The following DNAJC1 variants were observed in gnomAD, a reference collection of about 807,000 sequenced individuals.
DNAJC1 encodes the protein DnaJ heat shock protein family (Hsp40) member C1, also known as dnaJ homolog subfamily C member 1.
Under a neutral mutation model 76.6 loss-of-function variants are expected in DNAJC1, and 58 were observed. That is an observed-to-expected ratio of 0.76 (90% CI 0.61 to 0.94). The LOEUF (loss-of-function observed/expected upper bound fraction) is 0.94. Ranked by LOEUF, DNAJC1 falls within the 40% of genes least tolerant of loss-of-function variation. DNAJC1 has a pLI of 0.00. For synonymous variants in DNAJC1, 258 were observed against 267.9 expected, an observed-to-expected ratio of 0.96 and a Z score of 0.36; for missense variants, 689 against 677.3, an observed-to-expected ratio of 1.02 and a Z score of -0.19.
At chr10:21,964,756 T>G (rs1837862059) in intron 1 of DNAJC1, among the ~76,000 whole-genome samples, 1 of 151,900 alleles carries the variant, frequency 6.6e-6, no homozygotes. Context: ...AGGAACTGTC[T>G]TCATTGTGTT....
At chr10:21,936,720 G>C (rs1837318782) in intron 1 of DNAJC1, among the ~76,000 whole-genome samples, 1 of 151,926 alleles carries the variant, frequency 6.6e-6, no homozygotes, top group African/African-American at 2.4e-5. Context: ...ATCCAAACTG[G>C]ATTGCTATAA....
At chr10:21,763,893 A>ACC (rs1453899046) in intron 10 of DNAJC1, among the ~76,000 whole-genome samples, 1 of 152,160 alleles carries the variant, frequency 6.6e-6, no homozygotes, top group Non-Finnish European at 1.5e-5. Context: ...TCCCTTGGGA[A>ACC]ACGTTGGTGC....
intron 1 of DNAJC1, among the ~76,000 whole-genome samples, chr10:21,962,088 C>T (rs1250722975): frequency 2.0e-5 from 3 of 152,292 alleles, no homozygotes; most frequent in Non-Finnish European, 2.9e-5. Context: ...CAGTCTCTTG[C>T]ACCACACTTC....
rs546471295 is a variant in DNAJC1 at position 21,925,565 on chromosome 10, C to T, written c.371+2941G>A. Among the ~76,000 whole-genome samples, 14 of 152,154 alleles carry T rather than the reference C, an allele frequency of 9.2e-5. No individual in the cohort carries two copies. In the South Asian group the frequency reaches 1.5e-3, roughly 16 times the overall value. On this transcript the variant is annotated intron_variant, in intron 3 of 11. Transcript: ENST00000376980. ...GTCCATCAACTGGTGAATAGATAAA[C>T]GTAAGTGGTATATCCATACAATGGA...
chr10:21,973,828 T>C (rs991566652), intron 1 of DNAJC1, among the ~76,000 whole-genome samples: 7 of 151,328 alleles, frequency 4.6e-5, no homozygotes, highest in African/African-American at 1.7e-4. Flanking sequence ...TTTGGCCAGG[T>C]GCGGTGGCTC....
At chr10:21,814,890 T>C (rs1476298587) in intron 8 of DNAJC1, among the ~76,000 whole-genome samples, 1 of 152,206 alleles carries the variant, frequency 6.6e-6, no homozygotes, top group Non-Finnish European at 1.5e-5. Context: ...CCTGCCACTC[T>C]GGAAAACTCC....
intron 8 of DNAJC1, among the ~76,000 whole-genome samples, chr10:21,820,868 G>A (rs1312098537): frequency 1.3e-5 from 2 of 152,176 alleles, no homozygotes; most frequent in Non-Finnish European, 2.9e-5. Flanking sequence ...GTGAGGGATG[G>A]GTGAAGGGGT....
chr10:21,839,351 T>C lies in DNAJC1; in HGVS notation c.979-33252A>G, dbSNP rs1835530741. On this transcript the variant is annotated intron_variant, in intron 8 of 11. Coordinates refer to ENST00000376980, the MANE Select transcript of DNAJC1 (RefSeq NM_022365.4). The stretch of plus-strand genomic sequence containing the variant: ...AAGATCAGCAAAATTGATAGACCAC[T>C]AACAAGACTAATTAAGAAGAAAAGA... Among the ~76,000 whole-genome samples, 5 of 152,118 alleles carry C rather than the reference T, an allele frequency of 3.3e-5. No homozygotes were observed. In the South Asian group the frequency reaches 1.0e-3, roughly 32 times the overall value.
At chr10:21,818,461 T>C (rs1006451415) in intron 8 of DNAJC1, among the ~76,000 whole-genome samples, 1 of 152,236 alleles carries the variant, frequency 6.6e-6, no homozygotes, top group Non-Finnish European at 1.5e-5. Context: ...CTGCCTCCAT[T>C]TGCCTTGTGA....
intron 6 of DNAJC1, 114 bp from the exon 7 acceptor site, chr10:21,904,726 T>C: frequency 1.8e-6 from 1 of 557,562 alleles, no homozygotes; most frequent in East Asian, 3.3e-5. Flanking sequence ...GGCTTTCTTT[T>C]TGTTTTCAAA....
intron 8 of DNAJC1, among the ~76,000 whole-genome samples, chr10:21,864,038 A>G (rs1357134319): frequency 6.6e-6 from 1 of 151,836 alleles, no homozygotes; most frequent in Admixed American, 6.6e-5. Context: ...CCCTGTCTCT[A>G]TTTAAAATAT....
intron 1 of DNAJC1, among the ~76,000 whole-genome samples, chr10:21,987,130 T>C (rs1838260471): frequency 6.6e-6 from 1 of 152,154 alleles, no homozygotes; most frequent in Non-Finnish European, 1.5e-5. Flanking sequence ...TAAAGTGAAA[T>C]AAATGAAATA....
In DNAJC1 at chr10:22,003,245, G is replaced by A; in HGVS notation, c.190C>T (p.Leu64Phe). The A allele has an allele frequency of 6.4e-7, 1 of 1,570,902 alleles. No individual in the cohort carries two copies. Among genetic ancestry groups the A allele is most frequent in the Admixed American group, 1.8e-5 (1 of 55,450 alleles). ...ELFDLVEEVQ[L>F]NFYQFLGVQQ... ...ACCCCGAGGAACTGGTAGAAGTTGA[G>A]CTGCACCTCCTCCACTAAGTCAAAC... The change falls in exon 1 of 12, where the codon CTC becomes TTC. Residue 64 changes from leucine to phenylalanine, a missense_variant. By Grantham distance (22) the Leu-to-Phe change is conservative (BLOSUM62 0). Transcript: ENST00000376980.
At chr10:21,853,119 ACTT>A (rs1262206342) in intron 8 of DNAJC1, among the ~76,000 whole-genome samples, 1 of 152,140 alleles carries the variant, frequency 6.6e-6, no homozygotes, top group Non-Finnish European at 1.5e-5. Flanking sequence ...AATAATCTAA[ACTT>A]CTTATCTTGG....
At chr10:21,874,240 A>T (rs563505670) in intron 8 of DNAJC1, among the ~76,000 whole-genome samples, 20 of 152,234 alleles carry the variant, frequency 1.3e-4, no homozygotes, top group Admixed American at 3.9e-4. Context: ...ACATAGTGAG[A>T]TGCCGTCCAA....
At chr10:21,825,948 A>C (rs1589997739) in intron 8 of DNAJC1, among the ~76,000 whole-genome samples, 1 of 152,160 alleles carries the variant, frequency 6.6e-6, no homozygotes, top group Non-Finnish European at 1.5e-5. Flanking sequence ...GATAGAAAAC[A>C]TATCGACCAG....
At chr10:21,791,734 A>G (rs1834691194) in intron 9 of DNAJC1, among the ~76,000 whole-genome samples, 1 of 152,218 alleles carries the variant, frequency 6.6e-6, no homozygotes, top group Non-Finnish European at 1.5e-5. Flanking sequence ...CTGAATACAG[A>G]AAAAGCAATA....
chr10:21,798,522 T>C (rs1368656876), intron 9 of DNAJC1, among the ~76,000 whole-genome samples: 1 of 152,214 alleles, frequency 6.6e-6, no homozygotes, highest in Non-Finnish European at 1.5e-5. Context: ...ACCCCAGACA[T>C]GCTCTTGCCT....
At chr10:21,923,947 G>A (rs1837078456) in intron 3 of DNAJC1, among the ~76,000 whole-genome samples, 1 of 151,896 alleles carries the variant, frequency 6.6e-6, no homozygotes, top group Non-Finnish European at 1.5e-5. Flanking sequence ...TGTATATTAT[G>A]AAAATGAATA....
Sources: gnomAD v4.1 joint callset for allele counts (sites outside exome capture counted in the v4.1 genomes callset) on GRCh38, gnomAD v4.1.1 for gene constraint, MANE v1.5 for transcripts, NCBI Gene and HGNC (gene_info 2026-07-23, HGNC 2026-07-21) for gene names.